SYT1: variants seen among roughly 807,000 people sequenced by gnomAD.
SYT1 encodes synaptotagmin 1, also known as synaptotagmin-1.
In SYT1, 8 loss-of-function variants were observed where a neutral mutation model predicts 44.8. The observed-to-expected ratio is 0.18, with a 90% CI of 0.10 to 0.32. SYT1 has a LOEUF of 0.32. Among genes scored for constraint, SYT1 ranks in the 10% least tolerant of loss-of-function variants. SYT1 has a pLI of 1.00. For missense variants in SYT1, 286 were observed against 509.3 expected, an observed-to-expected ratio of 0.56 and a Z score of 4.22; for synonymous variants, 154 against 188.8, an observed-to-expected ratio of 0.82 and a Z score of 1.51.
At chr12:79,226,368 T>C (rs1875522501) in intron 4 of SYT1, among the ~76,000 whole-genome samples, 3 of 152,202 alleles carry the variant, frequency 2.0e-5, no homozygotes. Context: ...AAATTATCTA[T>C]GAAACTCTCC....
At chr12:78,904,950 T>G (rs887108631) in intron 1 of SYT1, among the ~76,000 whole-genome samples, 3 of 152,152 alleles carry the variant, frequency 2.0e-5, no homozygotes, top group African/African-American at 7.2e-5. Context: ...TGTCCTATCT[T>G]GAGTCTCAAT....
intron 3 of SYT1, among the ~76,000 whole-genome samples, chr12:79,172,184 T>C (rs554172565): frequency 6.6e-6 from 1 of 152,012 alleles, no homozygotes; most frequent in Non-Finnish European, 1.5e-5. Context: ...CAACTACTGC[T>C]TGGTTCTAAA....
At chr12:78,886,381 T>A (rs559071939) in intron 1 of SYT1, among the ~76,000 whole-genome samples, 34 of 152,086 alleles carry the variant, frequency 2.2e-4, no homozygotes, top group African/African-American at 7.9e-4. Context: ...AATATTTACA[T>A]TTAATTTCAT....
In SYT1 at chr12:79,155,299, G is replaced by A. The variant is rs534420410; in HGVS notation, c.-17-62204G>A. ...AAATATTAGAATGGGCTGCCAAGAG[G>A]GATTATAGAGGCTCTGTCTCTGAAT... On this transcript the variant is annotated intron_variant, in intron 3 of 10. Coordinates refer to ENST00000261205, the MANE Select transcript of SYT1 (RefSeq NM_005639.3). 5.3e-5 allele frequency among the ~76,000 whole-genome samples: 8 copies of A among 152,238 alleles called. No homozygotes were observed. The South Asian group carries it at 1.5e-3, about 28-fold the overall frequency.
intron 4 of SYT1, among the ~76,000 whole-genome samples, chr12:79,219,776 A>G (rs761574647): frequency 3.3e-5 from 5 of 152,018 alleles, no homozygotes; most frequent in South Asian, 2.1e-4. Flanking sequence ...ACTCTGTACT[A>G]TATTTCGAAG....
At chr12:79,242,176 T>C (rs1876553719) in intron 4 of SYT1, among the ~76,000 whole-genome samples, 1 of 152,194 alleles carries the variant, frequency 6.6e-6, no homozygotes, top group South Asian at 2.1e-4. Flanking sequence ...AGGAAACAAA[T>C]ATAATGGACG....
chr12:79,256,309 T>C (rs1302773528), intron 4 of SYT1, among the ~76,000 whole-genome samples: 1 of 152,234 alleles, frequency 6.6e-6, no homozygotes, highest in Non-Finnish European at 1.5e-5. Flanking sequence ...AATATTGCAA[T>C]GCAAACCCAT....
chr12:79,425,979 A>G (rs1270543242), intron 9 of SYT1, among the ~76,000 whole-genome samples: 1 of 152,152 alleles, frequency 6.6e-6, no homozygotes, highest in African/African-American at 2.4e-5. Context: ...CTCTTATTCA[A>G]TTATTCAATA....
At chr12:78,980,294 T>C (rs964962602) in intron 2 of SYT1, among the ~76,000 whole-genome samples, 1 of 152,162 alleles carries the variant, frequency 6.6e-6, no homozygotes, top group African/African-American at 2.4e-5. Flanking sequence ...CTACAGAGAA[T>C]GTTTGACCCA....
chr12:79,102,508 C>T (rs548319833), intron 3 of SYT1, among the ~76,000 whole-genome samples: 7 of 152,170 alleles, frequency 4.6e-5, no homozygotes, highest in Non-Finnish European at 8.8e-5. Context: ...TGTGTTTCCT[C>T]CTTAGCACTT....
At chr12:79,392,236 AAAT>A (rs983859053) in intron 9 of SYT1, 2 of 152,236 alleles carry the variant, frequency 1.3e-5, no homozygotes, top group Non-Finnish European at 2.9e-5. Flanking sequence ...GAAAGCAAAC[AAAT>A]AACTATGAAA....
At chr12:79,088,738 CTGTGTGTGTGTGTGTGTGTGTGTG>C (rs571903732) in intron 3 of SYT1, among the ~76,000 whole-genome samples, 4 of 137,168 alleles carry the variant, frequency 2.9e-5, no homozygotes, top group African/African-American at 8.0e-5. Context: ...GGCTTTGGGC[CTGTGTGTGTGTGTGTGTGTGTGTG>C]TGTGTGTGTG....
intron 6 of SYT1, among the ~76,000 whole-genome samples, chr12:79,294,053 T>C (rs1879764960): frequency 6.6e-6 from 1 of 152,136 alleles, no homozygotes; most frequent in East Asian, 1.9e-4. Flanking sequence ...GCTTTCTATA[T>C]GCATCCAGTA....
intron 2 of SYT1, among the ~76,000 whole-genome samples, chr12:79,024,489 T>G (rs1037740029): frequency 4.6e-5 from 7 of 151,798 alleles, no homozygotes; most frequent in Non-Finnish European, 8.8e-5. Flanking sequence ...GGCTATAAAC[T>G]CATTTATTCA....
At chr12:79,300,027 A>T (rs144648576) in intron 8 of SYT1, among the ~76,000 whole-genome samples, 35 of 152,276 alleles carry the variant, frequency 2.3e-4, no homozygotes, top group African/African-American at 8.2e-4. Context: ...AAGATACGAG[A>T]GCATGATTGG....
At chr12:79,190,278 C>T (rs912768860) in intron 3 of SYT1, among the ~76,000 whole-genome samples, 1 of 152,088 alleles carries the variant, frequency 6.6e-6, no homozygotes, top group African/African-American at 2.4e-5. Flanking sequence ...TTGTTACTCC[C>T]CTACCTTCTT....
At chr12:79,046,846 C>T (rs1183376258) in intron 2 of SYT1, among the ~76,000 whole-genome samples, 7 of 151,650 alleles carry the variant, frequency 4.6e-5, no homozygotes, top group African/African-American at 7.3e-5. Flanking sequence ...TTTCTAACAT[C>T]GGTGAAAAAT....
intron 3 of SYT1, among the ~76,000 whole-genome samples, chr12:79,109,857 C>G (rs1369116298): frequency 1.3e-5 from 2 of 152,158 alleles, no homozygotes; most frequent in Non-Finnish European, 2.9e-5. Flanking sequence ...AACCACAGAA[C>G]CTGTCTTCCT....
At chr12:79,422,548 T>C (rs2136159153) in intron 9 of SYT1, among the ~76,000 whole-genome samples, 1 of 151,916 alleles carries the variant, frequency 6.6e-6, no homozygotes, top group Non-Finnish European at 1.5e-5. Context: ...AACTTGATTT[T>C]GGATACCATC....
Sources: gnomAD v4.1 joint callset for allele counts (sites outside exome capture counted in the v4.1 genomes callset) on GRCh38, gnomAD v4.1.1 for gene constraint, MANE v1.5 for transcripts, NCBI Gene and HGNC (gene_info 2026-07-23, HGNC 2026-07-21) for gene names.